GRIN2B: variants seen among roughly 807,000 people sequenced by gnomAD.
GRIN2B encodes glutamate ionotropic receptor NMDA type subunit 2B.
Under a neutral mutation model 114.5 loss-of-function variants are expected in GRIN2B, and 5 were observed. That is an observed-to-expected ratio of 0.04 (90% CI 0.02 to 0.09). GRIN2B has a LOEUF of 0.09. Among genes scored for constraint, GRIN2B ranks in the 10% least tolerant of loss-of-function variants. GRIN2B has a pLI of 1.00. For synonymous variants in GRIN2B, 787 were observed against 745.1 expected, an observed-to-expected ratio of 1.06 and a Z score of -0.92; for missense variants, 1,108 against 1,943.5, an observed-to-expected ratio of 0.57 and a Z score of 8.08.
At chr12:13,701,432 T>C (rs893962449) in intron 4 of GRIN2B, among the ~76,000 whole-genome samples, 1 of 151,042 alleles carries the variant, frequency 6.6e-6, no homozygotes, top group African/African-American at 2.4e-5. Context: ...TTGGTCTCCC[T>C]CTGTAACATA....
At chr12:13,592,595 A>G (rs1949022565) in intron 10 of GRIN2B, among the ~76,000 whole-genome samples, 1 of 152,226 alleles carries the variant, frequency 6.6e-6, no homozygotes, top group Non-Finnish European at 1.5e-5. Context: ...GACAAAGGCC[A>G]GAAATGGGTA....
chr12:13,607,372 T>C (rs1378392795), intron 10 of GRIN2B, among the ~76,000 whole-genome samples: 5 of 40,522 alleles, frequency 1.2e-4, no homozygotes, highest in African/African-American at 3.7e-4. Context: ...ATATATTATA[T>C]ATTATATATA....
At chr12:13,967,776 C>T (rs1056785838) in intron 2 of GRIN2B, among the ~76,000 whole-genome samples, 1 of 152,034 alleles carries the variant, frequency 6.6e-6, no homozygotes, top group African/African-American at 2.4e-5. Context: ...AGTCTGTGGG[C>T]GACAGGAAGA....
In GRIN2B at chr12:13,902,636, C is replaced by A. The variant is rs1866470670; in HGVS notation, c.-18-36410G>T. ...GACCAGCCTGGCCAACCTAGTGAAA[C>A]CCCGTCTCTACTGAAAATACAAAAA... On this transcript the variant is annotated intron_variant, in intron 2 of 13. Transcript: ENST00000609686. 3.3e-5 allele frequency among the ~76,000 whole-genome samples: 5 copies of A among 152,054 alleles called. No individual in the cohort carries two copies. The South Asian group carries it at 1.0e-3, about 32-fold the overall frequency.
intron 2 of GRIN2B, among the ~76,000 whole-genome samples, chr12:13,922,423 A>G (rs1419459216): frequency 6.6e-6 from 1 of 152,220 alleles, no homozygotes; most frequent in Non-Finnish European, 1.5e-5. Context: ...TAGGATTACA[A>G]GATTAGTAGA....
At chr12:13,590,346 C>T (rs1245895747) in intron 10 of GRIN2B, among the ~76,000 whole-genome samples, 1 of 152,078 alleles carries the variant, frequency 6.6e-6, no homozygotes, top group African/African-American at 2.4e-5. Context: ...AGGTTTTAAG[C>T]CCCGCATGCA....
In GRIN2B at chr12:13,558,307, A is replaced by G. The variant is rs1398228126; in HGVS notation, c.*4476T>C. 6.6e-6 allele frequency: 1 copy of G among 152,146 alleles called. No homozygotes were observed. The allele number at this position is 152,146 out of a possible 1,614,324, so 9.4% of individuals were successfully genotyped here. ...TGCACACATCTGAATCATTCCTAAC[A>G]TACAAAAACAGACATTCACAGGGTG... On this transcript the variant is annotated 3_prime_UTR_variant, in exon 14 of 14. Coordinates refer to ENST00000609686, the MANE Select transcript of GRIN2B (RefSeq NM_000834.5).
intron 2 of GRIN2B, among the ~76,000 whole-genome samples, chr12:13,866,461 T>C (rs779846713): frequency 2.0e-5 from 3 of 152,186 alleles, no homozygotes; most frequent in Admixed American, 6.5e-5. Context: ...GCTATTGCTA[T>C]AGTCATTGGC....
At chr12:13,809,287 G>C (rs372937362) in intron 3 of GRIN2B, among the ~76,000 whole-genome samples, 2 of 152,172 alleles carry the variant, frequency 1.3e-5, no homozygotes, top group East Asian at 3.9e-4. Flanking sequence ...GAGACAACAA[G>C]GTGTGGTAGG....
chr12:13,719,489 G>C (rs1950488922), intron 4 of GRIN2B, among the ~76,000 whole-genome samples: 1 of 151,852 alleles, frequency 6.6e-6, no homozygotes, highest in Middle Eastern at 3.2e-3. Flanking sequence ...CCAAACAAGA[G>C]AAGTCCATCT....
At chr12:13,877,905 A>G (rs12303284) in intron 2 of GRIN2B, among the ~76,000 whole-genome samples, 16,579 of 151,816 alleles carry the variant, frequency 0.11, 1,199 homozygotes, top group Middle Eastern at 0.17. Flanking sequence ...TCTACTAAAA[A>G]TACAAAAAAT....
chr12:13,945,304 G>T (rs1399273445), intron 2 of GRIN2B, among the ~76,000 whole-genome samples: 3 of 152,116 alleles, frequency 2.0e-5, no homozygotes, highest in Non-Finnish European at 4.4e-5. Context: ...GAAGTGGCAG[G>T]GTGGTAAGCA....
intron 2 of GRIN2B, among the ~76,000 whole-genome samples, chr12:13,876,830 C>A (rs1272174715): frequency 6.6e-6 from 1 of 151,494 alleles, no homozygotes; most frequent in African/African-American, 2.4e-5. Flanking sequence ...TTATCTATCT[C>A]CAGTACTTGG....
intron 4 of GRIN2B, among the ~76,000 whole-genome samples, chr12:13,739,557 G>A (rs1255098253): frequency 6.6e-6 from 1 of 152,006 alleles, no homozygotes; most frequent in Admixed American, 6.6e-5. Context: ...GTCTCTCCTG[G>A]CCAGAGAGAT....
chr12:13,644,049 A>T (rs1186140063), intron 5 of GRIN2B, among the ~76,000 whole-genome samples: 1 of 152,162 alleles, frequency 6.6e-6, no homozygotes, highest in Non-Finnish European at 1.5e-5. Flanking sequence ...TGAATCACGA[A>T]TGTTCTTAAT....
intron 4 of GRIN2B, among the ~76,000 whole-genome samples, chr12:13,733,545 A>G (rs1331583101): frequency 6.6e-6 from 1 of 152,222 alleles, no homozygotes; most frequent in African/African-American, 2.4e-5. Context: ...AAGTGAATCA[A>G]AAGCTTGGCT....
intron 4 of GRIN2B, among the ~76,000 whole-genome samples, chr12:13,740,204 C>T (rs1863256885): frequency 6.6e-6 from 1 of 152,198 alleles, no homozygotes; most frequent in Non-Finnish European, 1.5e-5. Flanking sequence ...GTTCCTGAAG[C>T]TCATTCTGCT....
chr12:13,861,975 T>C (rs1865759826), intron 3 of GRIN2B, among the ~76,000 whole-genome samples: 1 of 152,198 alleles, frequency 6.6e-6, no homozygotes, highest in Non-Finnish European at 1.5e-5. Flanking sequence ...ATCAACATAT[T>C]AGTATCCCCA....
At chr12:13,943,838 T>C (rs1325116498) in intron 2 of GRIN2B, among the ~76,000 whole-genome samples, 2 of 152,182 alleles carry the variant, frequency 1.3e-5, no homozygotes, top group South Asian at 2.1e-4. Context: ...CTCTCGTCTA[T>C]GATCATATTT....
Sources: gnomAD v4.1 joint callset for allele counts (sites outside exome capture counted in the v4.1 genomes callset) on GRCh38, gnomAD v4.1.1 for gene constraint, MANE v1.5 for transcripts, NCBI Gene and HGNC (gene_info 2026-07-23, HGNC 2026-07-21) for gene names.